The following KCP variants were observed in gnomAD, a reference collection of about 807,000 sequenced individuals.
KCP encodes the protein kielin/chordin-like protein.
Under a neutral mutation model 212.7 loss-of-function variants are expected in KCP, and 194 were observed. The observed-to-expected ratio is 0.91, with a 90% CI of 0.81 to 1.03. The LOEUF is 1.03. Among genes scored for constraint, KCP ranks in the 50% least tolerant of loss-of-function variants. The pLI is 0.00. For synonymous variants in KCP, 833 were observed against 865.3 expected (o/e 0.96, Z 0.65); for missense variants, 2,080 against 2,162.5 (o/e 0.96, Z 0.76).
intron 5 of KCP, 94 bp downstream of exon 5, chr7:128,906,185 C>T: frequency 9.3e-7 from 1 of 1,080,358 alleles, no homozygotes; most frequent in South Asian, 1.3e-5. Flanking sequence ...GTAGGCACCC[C>T]TGGGCATGTC....
chr7:128,890,474 C>T lies in KCP; in HGVS notation c.2204G>A (p.Arg735His), dbSNP rs1449529416. The change falls in exon 21 of 40, where the codon CGC becomes CAC. Residue 735 changes from arginine to histidine, a missense_variant. Coordinates refer to ENST00000610776, the MANE Select transcript of KCP (RefSeq NM_001366122.1). ...GCAGGCAGCAGTGGGCGATGGGAAG[C>T]GCTCCCCGCTGGCAAACTCCTTCCC... is the stretch of plus-strand genomic sequence containing the variant. ...YQGKEFASGE[R>H]FPSPTAACHL... The T allele has an allele frequency of 1.6e-5, 25 of 1,550,408 alleles. No homozygotes were observed. The highest frequency in any genetic ancestry group is 1.9e-5 in the Non-Finnish European group (22 of 1,146,908).
chr7:128,903,653 G>A, intron 7 of KCP, 74 bp downstream of exon 7: 11 of 1,276,666 alleles, frequency 8.6e-6, no homozygotes, highest in South Asian at 1.5e-5. Context: ...GGCCGGCAAG[G>A]TGGGCTCTGG....
At position 128,910,521 on chromosome 7, in the gene KCP, TCTCGGCCCC is replaced by T. The variant is rs1014268369; in HGVS notation, c.76+71_76+79del. On this transcript the variant is annotated intron_variant, in intron 1 of 39. Coordinates refer to ENST00000610776, the MANE Select transcript of KCP (RefSeq NM_001366122.1). ...GGCTAAGAGCAGAGCCCCCAGCCCCTCTCGGCCCCCTCAGGCCGGGCTGATAGGAGGGAG... is the reference window on the plus strand; with the variant it reads ...GGCTAAGAGCAGAGCCCCCAGCCCCTCTCAGGCCGGGCTGATAGGAGGGAG... 2.8e-5 allele frequency: 37 copies of T among 1,320,296 alleles called. 1 individual carries two copies. The highest frequency in any genetic ancestry group is 3.3e-5 in the Non-Finnish European group (33 of 986,550). 81.8% of individuals were successfully genotyped at this position (1,320,296 alleles called of 1,614,324 possible).
intron 21 of KCP, 79 bp downstream of exon 21, chr7:128,890,264 G>C (rs746283403): frequency 6.4e-7 from 1 of 1,550,840 alleles, no homozygotes; most frequent in Non-Finnish European, 8.7e-7. Context: ...ATCCACCCTA[G>C]GGCAGTAAAG....
chr7:128,882,083 C>T (rs1793368258), intron 29 of KCP, 67 bp from the exon 30 acceptor site: 2 of 1,225,082 alleles, frequency 1.6e-6, no homozygotes, highest in Admixed American at 4.1e-5. Context: ...CCCAGCTGTC[C>T]CCATGCACTG....
chr7:128,893,563 T>A, intron 11 of KCP, 87 bp from the exon 12 acceptor site: 1 of 1,128,890 alleles, frequency 8.9e-7, no homozygotes, highest in Non-Finnish European at 1.3e-6. Context: ...ACCCCCACCC[T>A]GACAAAGAAG....
rs1286233554 is a variant in KCP, at chr7:128,904,102, A to AC, written c.607dup (p.Val203GlyfsTer30). 6.4e-7 allele frequency: 1 copy of AC among 1,551,148 alleles called. No homozygotes were observed. Among genetic ancestry groups the AC allele is most frequent in the African/African-American group, 1.4e-5 (1 of 72,832 alleles). On this transcript the variant is annotated frameshift_variant, in exon 6 of 40. Coordinates refer to ENST00000610776, the MANE Select transcript of KCP (RefSeq NM_001366122.1). LOFTEE classifies it high-confidence loss of function. ...AGGGTTGGAGCTGGACAGGAAGGTG[A>AC]CCCCCTCCTCATAAAGCTGCCCCTC...
At chr7:128,907,563 C>A (rs1415827604) in intron 2 of KCP, 110 bp from the exon 3 acceptor site, 6 of 711,696 alleles carry the variant, frequency 8.4e-6, no homozygotes, top group Non-Finnish European at 1.2e-5. Context: ...TCGCCAATTC[C>A]AGAGCAGAGA....
chr7:128,908,624 A>C, intron 1 of KCP, 56 bp from the exon 2 acceptor site: 1 of 1,513,336 alleles, frequency 6.6e-7, no homozygotes, highest in Non-Finnish European at 8.9e-7. Context: ...GCCTGGCCAC[A>C]TTTTCTGGGT....
chr7:128,887,138 A>G, intron 23 of KCP, 77 bp downstream of exon 23: 1 of 1,311,934 alleles, frequency 7.6e-7, no homozygotes, highest in Non-Finnish European at 1.1e-6. Flanking sequence ...ACCTGAGTGG[A>G]GGAGACAGCC....
rs373578190 is a variant in KCP, at chr7:128,905,683, C to T, written c.571+596G>A. 3.9e-4 allele frequency among the ~76,000 whole-genome samples: 59 copies of T among 152,344 alleles called. No homozygotes were observed. The East Asian group carries it at 0.01, about 26-fold the overall frequency. The stretch of plus-strand genomic sequence containing the variant: ...CACGCTGCTTCAGCCTTCAATACCC[C>T]CCACTGCCCATAGAAAAAAGTCCTA... On this transcript the variant is annotated intron_variant, in intron 5 of 39. Transcript: ENST00000610776.
chr7:128,896,961 G>C (rs1794568171), intron 8 of KCP, among the ~76,000 whole-genome samples: 1 of 151,540 alleles, frequency 6.6e-6, no homozygotes, highest in Admixed American at 6.6e-5. Flanking sequence ...TTGAGCAATA[G>C]GTGGGTCTTT....
At chr7:128,881,860 G>A (rs979110705) in intron 30 of KCP, 77 bp downstream of exon 30, 23 of 1,442,968 alleles carry the variant, frequency 1.6e-5, no homozygotes, top group South Asian at 6.1e-5. Flanking sequence ...GAGCTGCTGC[G>A]GGAGAGGAGT....
rs1052575719 is a variant in KCP, at chr7:128,879,745, C to T, written c.4017G>A (p.Val1339=). ...TGACTGCCCCGTCCTGCAGCAGCCG[C>T]ACGGCCATGTCTCCCAGCAGCACCG... ...EVAVLLGDMA[V]RLLQDGAVTV... The change falls in exon 36 of 40, where the codon GTG becomes GTA. Residue 1339 remains valine, a synonymous_variant. Transcript: ENST00000610776. 6.5e-7 allele frequency: 1 copy of T among 1,550,376 alleles called. No individual in the cohort carries two copies. Among genetic ancestry groups the T allele is most frequent in the Admixed American group, 2.0e-5 (1 of 51,004 alleles).
chr7:128,881,337 G>A (rs566384909), intron 31 of KCP, among the ~76,000 whole-genome samples: 8 of 152,360 alleles, frequency 5.3e-5, no homozygotes, highest in Admixed American at 1.3e-4. Context: ...CCAGCTGCCC[G>A]CTCAGCAGTG....
At position 128,877,101 on chromosome 7, in the gene KCP, C is replaced by T. The variant is rs1793031796; in HGVS notation, c.4829G>A (p.Gly1610Glu). Residue 1610 changes from glycine (G) to glutamate (E), a missense_variant, in exon 40 of 40, where the codon GGA becomes GAA. Gly to Glu is a moderately conservative substitution (Grantham distance 98). Transcript: ENST00000610776. Reference sequence around the variant, plus strand: ...GGGCCGAGCACCAAGTGGCTGGTCTCCAGTGAGCAGGACTTGGGGGCAGGC... The same window carrying T: ...GGGCCGAGCACCAAGTGGCTGGTCTTCAGTGAGCAGGACTTGGGGGCAGGC... ...PEACPQVLLT[G>E]DQPLGARPSP... 7 of 1,518,938 alleles carry T rather than the reference C, an allele frequency of 4.6e-6. No individual in the cohort carries two copies. Among genetic ancestry groups the T allele is most frequent in the Admixed American group, 2.5e-5 (1 of 40,020 alleles). 94.1% of individuals were successfully genotyped at this position (1,518,938 alleles called of 1,614,324 possible).
rs1007644584 is a variant in KCP at position 128,891,323 on chromosome 7, G to A, written c.1879-45C>T. The A allele has an allele frequency of 5.8e-6, 9 of 1,546,830 alleles. No homozygotes were observed. The African/African-American group carries it at 1.1e-4, about 19-fold the overall frequency. ...CCACGGGTCAGTGGGTTAGTTGGGG[G>A]AGGCCGAGGAGACCCCTCCCACCCA... On this transcript the variant is annotated intron_variant, in intron 18 of 39. Coordinates refer to ENST00000610776, the MANE Select transcript of KCP (RefSeq NM_001366122.1).
rs1330470579 is a variant in KCP, at chr7:128,903,712, G to A, written c.748+15C>T. On this transcript the variant is annotated intron_variant, in intron 7 of 39. Coordinates refer to ENST00000610776, the MANE Select transcript of KCP (RefSeq NM_001366122.1). Reference sequence around the variant, plus strand: ...CTACCTGTGGCTCTACCAGGGAGGGGCCAGGGGCTCTCACCTTGGCAGGTT... The same window carrying A: ...CTACCTGTGGCTCTACCAGGGAGGGACCAGGGGCTCTCACCTTGGCAGGTT... 1.3e-6 allele frequency: 2 copies of A among 1,540,410 alleles called. No homozygotes were observed. The highest frequency in any genetic ancestry group is 1.2e-5 in the South Asian group (1 of 82,458).
At chr7:128,882,308 G>C (rs1793379794) in intron 29 of KCP, among the ~76,000 whole-genome samples, 1 of 152,212 alleles carries the variant, frequency 6.6e-6, no homozygotes. Flanking sequence ...AAAATGGCCA[G>C]TCTGCGGCCT....
Sources: allele counts gnomAD v4.1 joint callset (sites outside exome capture counted in the v4.1 genomes callset), GRCh38; gene constraint gnomAD v4.1.1; transcripts MANE v1.5; gene names NCBI Gene and HGNC (gene_info 2026-07-23, HGNC 2026-07-21).